Variants in TENM2 observed in about 807,000 individuals in gnomAD.
The protein encoded by TENM2 is teneurin transmembrane protein 2, also known as teneurin-2.
A neutral mutation model predicts 245.2 loss-of-function variants in TENM2; 52 were observed. The ratio of observed to expected loss-of-function variants is 0.21; its 90% CI spans 0.17 to 0.27. TENM2 has a LOEUF of 0.27. Among genes scored for constraint, TENM2 ranks in the 10% least tolerant of loss-of-function variants. TENM2 has a pLI of 1.00. For missense variants in TENM2, 3,046 were observed against 3,666.8 expected (o/e 0.83, Z 4.37); for synonymous variants, 1,363 against 1,438.9 (o/e 0.95, Z 1.19).
chr5:167,503,812 TG>T lies in TENM2; in HGVS notation c.502+128340del, dbSNP rs544151851. Among the ~76,000 whole-genome samples, 14 of 152,302 alleles carry T rather than the reference TG, an allele frequency of 9.2e-5. No homozygotes were observed. The East Asian group carries it at 1.7e-3, about 19-fold the overall frequency. Reference sequence around the variant, plus strand: ...GGAAGGCTGAAGTGGGAGGATCACTTGAGCCCAGGAGGCAGAGGTTGCAGTG... The same window carrying T: ...GGAAGGCTGAAGTGGGAGGATCACTTAGCCCAGGAGGCAGAGGTTGCAGTG... On this transcript the variant is annotated intron_variant, in intron 2 of 28. Coordinates refer to ENST00000518659, the Ensembl canonical transcript of TENM2.
At chr5:167,705,370 G>A (rs1029016367) in intron 2 of TENM2, among the ~76,000 whole-genome samples, 5 of 152,146 alleles carry the variant, frequency 3.3e-5, no homozygotes, top group Admixed American at 2.6e-4. Context: ...GAAAGGTAGA[G>A]TAATTGATAG....
the TENM2 span, among the ~76,000 whole-genome samples, chr5:167,142,384 C>G: frequency 1.3e-5 from 2 of 152,062 alleles, no homozygotes; most frequent in African/African-American, 4.8e-5. Flanking sequence ...GTCTCATCAT[C>G]CACTATCCTG....
chr5:167,571,451 A>G (rs1440106867), intron 2 of TENM2, among the ~76,000 whole-genome samples: 2 of 152,194 alleles, frequency 1.3e-5, no homozygotes, highest in Non-Finnish European at 2.9e-5. Context: ...CATAAAAGTT[A>G]CATTCCTGTA....
At chr5:167,121,362 T>G in the TENM2 span, among the ~76,000 whole-genome samples, 1 of 152,116 alleles carries the variant, frequency 6.6e-6, no homozygotes, top group African/African-American at 2.4e-5. Flanking sequence ...AAAAGAGGAC[T>G]TTTTAGCTGA....
At chr5:167,342,060 G>A (rs1307883517) in intron 1 of TENM2, among the ~76,000 whole-genome samples, 1 of 152,176 alleles carries the variant, frequency 6.6e-6, no homozygotes, top group Admixed American at 6.5e-5. Flanking sequence ...AATTGTCCAG[G>A]TTGCTAACAT....
the TENM2 span, among the ~76,000 whole-genome samples, chr5:167,009,156 G>T: frequency 9.2e-6 from 1 of 108,756 alleles, no homozygotes; most frequent in South Asian, 2.6e-4. Context: ...CTTGAATTAT[G>T]TGTCATATCG....
chr5:167,995,776 T>C (rs187439370), intron 5 of TENM2, among the ~76,000 whole-genome samples: 54 of 152,260 alleles, frequency 3.5e-4, no homozygotes, highest in African/African-American at 1.2e-3. Context: ...TGAAAAGCAG[T>C]ATATTATTAC....
intron 3 of TENM2, among the ~76,000 whole-genome samples, chr5:167,911,960 A>G (rs1383181955): frequency 6.6e-6 from 1 of 152,222 alleles, no homozygotes; most frequent in African/African-American, 2.4e-5. Context: ...TGGAATAGCT[A>G]AATCAAATCA....
At chr5:167,185,634 T>C in the TENM2 span, among the ~76,000 whole-genome samples, 3 of 152,150 alleles carry the variant, frequency 2.0e-5, no homozygotes, top group South Asian at 6.2e-4. Context: ...GTTAGTCTTA[T>C]ATAAACTTTA....
At chr5:167,091,496 A>C in the TENM2 span, among the ~76,000 whole-genome samples, 6 of 152,318 alleles carry the variant, frequency 3.9e-5, no homozygotes, top group South Asian at 1.2e-3. Flanking sequence ...ATATATAGTC[A>C]GGTACATTAT....
the TENM2 span, chr5:167,164,983 G>C: frequency 2.0e-5 from 3 of 152,166 alleles, no homozygotes; most frequent in African/African-American, 4.8e-5. Context: ...ATAGCATTGT[G>C]ATTACTTTTC....
At chr5:167,870,648 A>AAT (rs998125211) in intron 2 of TENM2, among the ~76,000 whole-genome samples, 11 of 147,860 alleles carry the variant, frequency 7.4e-5, no homozygotes, top group African/African-American at 2.7e-4. Flanking sequence ...CATATATAGT[A>AAT]ATATATATAT....
At chr5:167,997,475 G>A (rs921091976) in intron 5 of TENM2, among the ~76,000 whole-genome samples, 2 of 152,116 alleles carry the variant, frequency 1.3e-5, no homozygotes, top group Non-Finnish European at 2.9e-5. Context: ...CTGCTTTCCA[G>A]TTGTCTTGTG....
At chr5:167,603,391 A>C (rs1256728917) in intron 2 of TENM2, among the ~76,000 whole-genome samples, 2 of 152,182 alleles carry the variant, frequency 1.3e-5, no homozygotes. Context: ...GGATGTTTAA[A>C]AATATTCTTG....
chr5:167,760,393 A>G (rs924091098), intron 2 of TENM2, among the ~76,000 whole-genome samples: 2 of 152,230 alleles, frequency 1.3e-5, no homozygotes, highest in Admixed American at 6.5e-5. Context: ...GGCATTGGAC[A>G]TAGGAGGAAG....
At chr5:168,221,503 C>T (rs1468103766) in intron 23 of TENM2, among the ~76,000 whole-genome samples, 1 of 152,154 alleles carries the variant, frequency 6.6e-6, no homozygotes, top group Non-Finnish European at 1.5e-5. Flanking sequence ...ATTTGTAACT[C>T]CACCTTCAGA....
At chr5:167,061,473 C>G in the TENM2 span, among the ~76,000 whole-genome samples, 1 of 152,102 alleles carries the variant, frequency 6.6e-6, no homozygotes, top group African/African-American at 2.4e-5. Flanking sequence ...TTTTTAAAAG[C>G]AAAAGCATTT....
At chr5:167,780,007 C>G (rs1764081291) in intron 2 of TENM2, among the ~76,000 whole-genome samples, 1 of 152,138 alleles carries the variant, frequency 6.6e-6, no homozygotes, top group Non-Finnish European at 1.5e-5. Flanking sequence ...TTAAATATCC[C>G]AAATTTGTAG....
intron 23 of TENM2, among the ~76,000 whole-genome samples, chr5:168,221,686 G>A (rs147246561): frequency 4.6e-5 from 7 of 152,248 alleles, no homozygotes; most frequent in South Asian, 2.1e-4. Flanking sequence ...ACATCCAACC[G>A]TGGAATTAAG....
Sources: gnomAD v4.1 joint callset for allele counts (sites outside exome capture counted in the v4.1 genomes callset) on GRCh38, gnomAD v4.1.1 for gene constraint, MANE v1.5 for transcripts, NCBI Gene and HGNC (gene_info 2026-07-23, HGNC 2026-07-21) for gene names.